MTREX: variants seen among roughly 807,000 people sequenced by gnomAD.
MTREX encodes the protein exosome RNA helicase MTR4.
Under a neutral mutation model 135.4 loss-of-function variants are expected in MTREX, and 76 were observed. That is an observed-to-expected ratio of 0.56 (90% CI 0.47 to 0.68). MTREX has a LOEUF of 0.68. MTREX is among the 30% of genes least tolerant of loss of function. The probability of loss-of-function intolerance (pLI) is 0.00; values close to 1 mark genes in which losing one functional copy is unlikely to be tolerated. For synonymous variants in MTREX, 404 were observed against 401.6 expected, an observed-to-expected ratio of 1.01 and a Z score of -0.07; for missense variants, 920 against 1,262.1, an observed-to-expected ratio of 0.73 and a Z score of 4.11.
chr5:55,405,682 G>T lies in MTREX; in HGVS notation c.2645+94G>T, dbSNP rs995638500. 3.6e-6 allele frequency: 4 copies of T among 1,122,414 alleles called. No individual in the cohort carries two copies. The African/African-American group carries it at 4.8e-5, about 14-fold the overall frequency. 69.5% of individuals were successfully genotyped at this position (1,122,414 alleles called of 1,614,324 possible). A position where few individuals can be genotyped will look rare whatever the true frequency, so the allele number is the denominator to read the frequency against. ...TTTTTTGAGATGGAGTCTCACTGTTGCCCAGGCTGGAGTGCACTGGCGCAA... is the reference window on the plus strand; with the variant it reads ...TTTTTTGAGATGGAGTCTCACTGTTTCCCAGGCTGGAGTGCACTGGCGCAA... On this transcript the variant is annotated intron_variant, in intron 22 of 26. Transcript: ENST00000230640.
chr5:55,423,335 T>C (rs1217272712), intron 26 of MTREX: 1 of 200,308 alleles, frequency 5.0e-6, no homozygotes, highest in Non-Finnish European at 1.0e-5. Context: ...GATAAGTCTG[T>C]AAGATAAAAA....
At chr5:55,398,260 A>AC (rs1394676841) in intron 20 of MTREX, among the ~76,000 whole-genome samples, 430 of 149,176 alleles carry the variant, frequency 2.9e-3, no homozygotes, top group East Asian at 4.1e-3. Flanking sequence ...AAAAAAAAAA[A>AC]ACAAGGAAGT....
intron 7 of MTREX, among the ~76,000 whole-genome samples, chr5:55,343,038 C>G (rs957941542): frequency 6.6e-6 from 1 of 152,154 alleles, no homozygotes; most frequent in Non-Finnish European, 1.5e-5. Context: ...AAATACTGTT[C>G]CGCTGCCTTG....
rs762847932 is a variant in MTREX, at chr5:55,397,578, T to C, written c.2292+52T>C. 5.2e-6 allele frequency: 6 copies of C among 1,159,484 alleles called. No individual in the cohort carries two copies. The Admixed American group carries it at 1.2e-4, about 23-fold the overall frequency. The allele number at this position is 1,159,484 out of a possible 1,614,324, so 71.8% of individuals were successfully genotyped here. On this transcript the variant is annotated intron_variant, in intron 20 of 26. Transcript: ENST00000230640. The stretch of plus-strand genomic sequence containing the variant: ...ATAAATTTTATGTAAATACAGGTAG[T>C]GTTTATAAAGAGGCAACTGAAATGC...
intron 22 of MTREX, among the ~76,000 whole-genome samples, chr5:55,405,945 T>C (rs976671508): frequency 6.6e-6 from 1 of 152,164 alleles, no homozygotes; most frequent in Non-Finnish European, 1.5e-5. Flanking sequence ...TGTGGGATTT[T>C]TACATAATCT....
At position 55,324,107 on chromosome 5, in the gene MTREX, G is replaced by GT. The variant is rs748729274; in HGVS notation, c.273-24dup. 5 of 1,565,310 alleles carry GT rather than the reference G, an allele frequency of 3.2e-6. No homozygotes were observed. The African/African-American group carries it at 6.8e-5, about 21-fold the overall frequency. Reference sequence around the variant, plus strand: ...TTATAGAAAAGTAATTTGTTTTTGTGTAACTTTAAACAATTCTTTTTAAGT... The same window carrying GT: ...TTATAGAAAAGTAATTTGTTTTTGTGTTAACTTTAAACAATTCTTTTTAAGT... On this transcript the variant is annotated intron_variant, in intron 2 of 26. Transcript: ENST00000230640.
intron 16 of MTREX, among the ~76,000 whole-genome samples, chr5:55,376,470 G>C (rs903074142): frequency 7.2e-5 from 11 of 152,238 alleles, no homozygotes; most frequent in African/African-American, 2.7e-4. Context: ...TGAGCCGTTT[G>C]AATGGATTGG....
chr5:55,338,799 T>A (rs1749596421), intron 5 of MTREX, among the ~76,000 whole-genome samples: 1 of 142,234 alleles, frequency 7.0e-6, no homozygotes, highest in African/African-American at 2.6e-5. Context: ...TTTTTTTTTT[T>A]TTTTTTTTTG....
chr5:55,346,688 C>T (rs1411640149), intron 10 of MTREX, among the ~76,000 whole-genome samples: 1 of 151,914 alleles, frequency 6.6e-6, no homozygotes, highest in Non-Finnish European at 1.5e-5. Flanking sequence ...TATGATAGTT[C>T]TTTACATATT....
chr5:55,400,352 G>GAA lies in MTREX; in HGVS notation c.2412_2413insAA (p.Tyr805AsnfsTer27). ...AAGTAGAAGCTTTTGAGCATCGAAT[G>GAA]TATTCTCATCCACTTCACAATGATC... On this transcript the variant is annotated frameshift_variant, in exon 21 of 27. Coordinates refer to ENST00000230640, the MANE Select transcript of MTREX (RefSeq NM_015360.5). LOFTEE classifies it high-confidence loss of function. 1 of 1,613,404 alleles carries GAA rather than the reference G, an allele frequency of 6.2e-7. No homozygotes were observed. The highest frequency in any genetic ancestry group is 8.5e-7 in the Non-Finnish European group (1 of 1,179,706).
intron 22 of MTREX, among the ~76,000 whole-genome samples, chr5:55,406,552 T>A (rs1448886338): frequency 2.0e-5 from 3 of 152,124 alleles, no homozygotes; most frequent in Admixed American, 2.0e-4. Context: ...TTCCACCACA[T>A]TCTCTTGATT....
intron 5 of MTREX, among the ~76,000 whole-genome samples, chr5:55,337,750 TTTG>T (rs1294338241): frequency 3.9e-5 from 6 of 152,040 alleles, no homozygotes; most frequent in African/African-American, 1.4e-4. Flanking sequence ...ATATTTGCCT[TTTG>T]TTGTTCGTTT....
In MTREX at chr5:55,322,442, G is replaced by T. The variant is rs1561185755; in HGVS notation, c.250G>T (p.Glu84Ter). 2 of 1,602,858 alleles carry T rather than the reference G, an allele frequency of 1.2e-6. No homozygotes were observed. The highest frequency in any genetic ancestry group is 1.7e-6 in the Non-Finnish European group (2 of 1,175,400). The change falls in exon 2 of 27, where the codon GAG (glutamate) becomes TAG (stop). Residue 84 changes from glutamate to a stop codon, truncating the protein, a stop_gained. Transcript: ENST00000230640. LOFTEE classifies it high-confidence loss of function. Reference protein sequence around the residue: ...PIFGKKPRIEESITEDLSLAD... With the variant: ...PIFGKKPRIE ...TTTTGGAAAGAAGCCCAGGATAGAAGAGTCAATAACTGAAGACTTAAGGTA... is the reference window on the plus strand; with the variant it reads ...TTTTGGAAAGAAGCCCAGGATAGAATAGTCAATAACTGAAGACTTAAGGTA...
intron 19 of MTREX, among the ~76,000 whole-genome samples, chr5:55,394,164 A>ATAAAAAT (rs1750612396): frequency 6.6e-6 from 1 of 152,128 alleles, no homozygotes; most frequent in Non-Finnish European, 1.5e-5. Flanking sequence ...ATATAAAAAT[A>ATAAAAAT]CTCTTTCTAA....
intron 6 of MTREX, among the ~76,000 whole-genome samples, chr5:55,340,769 G>A (rs1749636136): frequency 1.3e-5 from 2 of 152,090 alleles, no homozygotes; most frequent in Admixed American, 1.3e-4. Context: ...TTTTAGTAGA[G>A]ACGGGGTTTC....
intron 22 of MTREX, among the ~76,000 whole-genome samples, chr5:55,409,599 C>T (rs1035935889): frequency 1.3e-5 from 2 of 152,098 alleles, no homozygotes; most frequent in Non-Finnish European, 1.5e-5. Context: ...GATGACCTTC[C>T]TCTCAACAAA....
At chr5:55,321,603 A>ATTTTTTTT (rs570546421) in intron 1 of MTREX, among the ~76,000 whole-genome samples, 2 of 103,096 alleles carry the variant, frequency 1.9e-5, no homozygotes, top group Non-Finnish European at 2.1e-5. Context: ...CCAAACATCT[A>ATTTTTTTT]TTTTTTTTTT....
intron 2 of MTREX, 62 bp from the exon 3 acceptor site, chr5:55,324,070 C>G (rs1388237863): frequency 8.5e-7 from 1 of 1,180,114 alleles, no homozygotes; most frequent in African/African-American, 1.5e-5. Flanking sequence ...CAATGTGAGG[C>G]TTATTATCAA....
At chr5:55,318,956 G>A (rs71622172) in intron 1 of MTREX, among the ~76,000 whole-genome samples, 1 of 151,806 alleles carries the variant, frequency 6.6e-6, no homozygotes, top group East Asian at 1.9e-4. Context: ...TATAAGAATG[G>A]CACCAAAATT....
Sources: gnomAD v4.1 joint callset for allele counts (sites outside exome capture counted in the v4.1 genomes callset) on GRCh38, gnomAD v4.1.1 for gene constraint, MANE v1.5 for transcripts, NCBI Gene and HGNC (gene_info 2026-07-23, HGNC 2026-07-21) for gene names.